The following KLC2 variants were observed in gnomAD, a reference collection of about 807,000 sequenced individuals.
KLC2 encodes the protein kinesin light chain 2, also known as KLC 2.
In KLC2, 35 loss-of-function variants were observed where a neutral mutation model predicts 75.1. The observed-to-expected ratio is 0.47, with a 90% CI of 0.36 to 0.62. The LOEUF (loss-of-function observed/expected upper bound fraction) is 0.62. Ranked by LOEUF, KLC2 falls within the 20% of genes least tolerant of loss-of-function variation. The pLI, the probability that KLC2 is intolerant of heterozygous loss-of-function variation, is 0.00. For synonymous variants in KLC2, 314 were observed against 336.7 expected (o/e 0.93, Z 0.74); for missense variants, 611 against 833.2 (o/e 0.73, Z 3.28).
At chr11:66,264,875 G>A (rs1463672527) in intron 9 of KLC2, 148 bp from the exon 10 acceptor site, 1 of 679,904 alleles carries the variant, frequency 1.5e-6, no homozygotes, top group Non-Finnish European at 2.6e-6. Flanking sequence ...GTCCAGAAGA[G>A]GGTCAGCAGT....
intron 2 of KLC2, 107 bp from the exon 3 acceptor site, chr11:66,261,635 G>T: frequency 1.5e-6 from 1 of 666,984 alleles, no homozygotes; most frequent in Non-Finnish European, 2.6e-6. Flanking sequence ...TCACTGTAGG[G>T]CCAGGCCTGG....
intron 5 of KLC2, 122 bp from the exon 6 acceptor site, chr11:66,263,538 A>G (rs576554595): frequency 5.9e-6 from 4 of 680,188 alleles, no homozygotes; most frequent in East Asian, 2.6e-5. Context: ...GTCTCCCCAC[A>G]CTCTGGGTCT....
rs1441989815 is a variant in KLC2, at chr11:66,263,031, C to G, written c.747C>G (p.Val249=). 6.2e-7 allele frequency: 1 copy of G among 1,612,784 alleles called. No individual in the cohort carries two copies. The highest frequency in any genetic ancestry group is 8.5e-7 in the Non-Finnish European group (1 of 1,178,864). ...CCATGCTGAACATCCTGGCACTGGTCTATCGGTGAGGACTCTCTGGGGGTG... is the reference window on the plus strand; with the variant it reads ...CCATGCTGAACATCCTGGCACTGGTGTATCGGTGAGGACTCTCTGGGGGTG... ...VATMLNILAL[V]YRDQNKYKEA... Residue 249 remains valine (V), a synonymous_variant, in exon 5 of 16, where the codon GTC becomes GTG. Transcript: ENST00000394067.
chr11:66,257,862 C>G lies in KLC2; in HGVS notation c.-21C>G, dbSNP rs1193587319. 6.5e-6 allele frequency: 1 copy of G among 152,740 alleles called. No individual in the cohort carries two copies. The highest frequency in any genetic ancestry group is 1.5e-5 in the Non-Finnish European group (1 of 68,476). The allele number at this position is 152,740 out of a possible 1,614,324, so 9.5% of individuals were successfully genotyped here. On this transcript the variant is annotated 5_prime_UTR_variant, in exon 1 of 16. Transcript: ENST00000394067. ...CCAGAGTCGGAGCCGGGCCCGAGCA[C>G]CAGGCGCAGGTCGGCGCGGGCCGAT...
chr11:66,248,225 G>A, the KLC2 span, among the ~76,000 whole-genome samples: 2 of 152,152 alleles, frequency 1.3e-5, no homozygotes, highest in South Asian at 4.1e-4. Context: ...AGAAAGAGTG[G>A]CTATATACCG....
intron 13 of KLC2, 25 bp downstream of exon 13, chr11:66,266,037 C>T (rs377585086): frequency 7.4e-6 from 12 of 1,613,370 alleles, no homozygotes; most frequent in African/African-American, 1.3e-5. Context: ...TGGGCCGGGT[C>T]GGGCTGGGAG....
rs531234206 is a variant in KLC2, at chr11:66,267,046, G to T, written c.*90G>T. 1 of 1,584,334 alleles carries T rather than the reference G, an allele frequency of 6.3e-7. No individual in the cohort carries two copies. Among genetic ancestry groups the T allele is most frequent in the Non-Finnish European group, 8.6e-7 (1 of 1,167,736 alleles). On this transcript the variant is annotated 3_prime_UTR_variant, in exon 16 of 16. Transcript: ENST00000394067. ...CATGGGCCTGCTGCTTGTCCCGCCT[G>T]TCTCTCCCACAGCCCCTGTCTTTTC...
chr11:66,266,835 C>A, intron 15 of KLC2, 38 bp from the exon 16 acceptor site: 1 of 1,597,076 alleles, frequency 6.3e-7, no homozygotes, highest in Non-Finnish European at 8.6e-7. Flanking sequence ...AGACTGGCAG[C>A]AGCACAGGGC....
chr11:66,245,078 G>C, the KLC2 span: 4 of 152,340 alleles, frequency 2.6e-5, no homozygotes, highest in Non-Finnish European at 4.4e-5. Flanking sequence ...CCCTGCTCCA[G>C]GTTGGTGAAG....
chr11:66,263,575 AC>A, intron 5 of KLC2, 84 bp from the exon 6 acceptor site: 1 of 896,848 alleles, frequency 1.1e-6, no homozygotes, highest in Non-Finnish European at 1.8e-6. Flanking sequence ...CTCAGTGAGT[AC>A]AGGAGTGACC....
chr11:66,265,285 C>T, intron 11 of KLC2, 50 bp downstream of exon 11: 2 of 1,516,784 alleles, frequency 1.3e-6, no homozygotes, highest in East Asian at 2.3e-5. Context: ...AGGGCGGGCT[C>T]CACATTCCAT....
At chr11:66,245,739 G>A in the KLC2 span, among the ~76,000 whole-genome samples, 47 of 152,048 alleles carry the variant, frequency 3.1e-4, no homozygotes, top group Admixed American at 2.7e-3. Flanking sequence ...AATTTTTGCC[G>A]GGCGTGGTGG....
At chr11:66,264,322 C>G (rs755183782) in intron 8 of KLC2, 23 bp from the exon 9 acceptor site, 77 of 1,600,982 alleles carry the variant, frequency 4.8e-5, no homozygotes, top group Admixed American at 1.0e-4. Flanking sequence ...ATCCCGCTCA[C>G]TCTCTGGGTC....
chr11:66,256,848 C>G (rs1856057469), upstream of KLC2, among the ~76,000 whole-genome samples: 1 of 152,146 alleles, frequency 6.6e-6, no homozygotes, highest in Non-Finnish European at 1.5e-5. Context: ...CAGTTCATTC[C>G]TTGTCTCTGG....
At chr11:66,245,080 TTGG>T in the KLC2 span, 1 of 152,248 alleles carries the variant, frequency 6.6e-6, no homozygotes, top group Non-Finnish European at 1.5e-5. Context: ...CTGCTCCAGG[TTGG>T]TGAAGTCCGA....
Position 66,265,247 on chromosome 11 carries a change from GGGGCTGGGCT to G in KLC2, c.1334+16_1334+25del. 4 of 1,541,434 alleles carry G rather than the reference GGGGCTGGGCT, an allele frequency of 2.6e-6. No homozygotes were observed. The highest frequency in any genetic ancestry group is 3.6e-6 in the Non-Finnish European group (4 of 1,113,386). On this transcript the variant is annotated intron_variant, in intron 11 of 15. Coordinates refer to ENST00000394067, the MANE Select transcript of KLC2 (RefSeq NM_001318734.2). The stretch of plus-strand genomic sequence containing the variant: ...TGTAAAGTAGACAGGTGAGTGGGGC[GGGGCTGGGCT>G]GGGGAGCAGGGCACGGCAGGGCGGG...
chr11:66,250,455 A>G, the KLC2 span, among the ~76,000 whole-genome samples: 1 of 152,064 alleles, frequency 6.6e-6, no homozygotes, highest in Non-Finnish European at 1.5e-5. Context: ...TCAGGGCCCT[A>G]CTCAGATCCC....
chr11:66,265,375 C>T, intron 11 of KLC2, 140 bp downstream of exon 11: 2 of 766,800 alleles, frequency 2.6e-6, no homozygotes, highest in East Asian at 2.7e-5. Context: ...CAAGAAGGCT[C>T]TGTCTCCCAA....
At chr11:66,259,966 G>C (rs955638014) in intron 2 of KLC2, 2 of 152,186 alleles carry the variant, frequency 1.3e-5, no homozygotes, top group East Asian at 3.8e-4. Context: ...CTTTAATTGA[G>C]GCTGCCAGGA....
Sources: allele counts gnomAD v4.1 joint callset (sites outside exome capture counted in the v4.1 genomes callset), GRCh38; gene constraint gnomAD v4.1.1; transcripts MANE v1.5; gene names NCBI Gene and HGNC (gene_info 2026-07-23, HGNC 2026-07-21).